NR3C2: variants seen among roughly 807,000 people sequenced by gnomAD.
NR3C2 encodes nuclear receptor subfamily 3 group C member 2.
In NR3C2, 15 loss-of-function variants were observed where a neutral mutation model predicts 86.4. That is an observed-to-expected ratio of 0.17 (90% CI 0.12 to 0.27). The LOEUF (loss-of-function observed/expected upper bound fraction) is 0.27. Ranked by LOEUF, NR3C2 falls within the 10% of genes least tolerant of loss-of-function variation. The pLI is 1.00. For missense variants in NR3C2, 960 were observed against 1,195.6 expected (o/e 0.80, Z 2.91); for synonymous variants, 458 against 450.5 (o/e 1.02, Z -0.21).
chr4:148,370,844 C>T (rs547019554), intron 2 of NR3C2, among the ~76,000 whole-genome samples: 6 of 152,228 alleles, frequency 3.9e-5, no homozygotes, highest in Admixed American at 1.3e-4. Context: ...TCAGTATCTT[C>T]CTTCTCCTCC....
chr4:148,082,826 A>G (rs1443663731), intron 8 of NR3C2, among the ~76,000 whole-genome samples: 1 of 152,256 alleles, frequency 6.6e-6, no homozygotes, highest in Admixed American at 6.5e-5. Flanking sequence ...CTGGCTTGAA[A>G]TTCTTGCTGC....
chr4:148,443,935 C>G (rs911152013), upstream of NR3C2: 2 of 942,526 alleles, frequency 2.1e-6, no homozygotes, highest in African/African-American at 3.5e-5. Flanking sequence ...GCGACAGCGG[C>G]AGCGCCGCGA....
At chr4:148,184,064 T>C (rs1422284766) in intron 4 of NR3C2, among the ~76,000 whole-genome samples, 1 of 152,082 alleles carries the variant, frequency 6.6e-6, no homozygotes, top group African/African-American at 2.4e-5. Flanking sequence ...CAACAAGAAC[T>C]ATCAGGCCCA....
At chr4:148,261,255 T>C (rs918403797) in intron 2 of NR3C2, among the ~76,000 whole-genome samples, 4 of 149,970 alleles carry the variant, frequency 2.7e-5, no homozygotes. Flanking sequence ...TGGTGCACTA[T>C]GGTCAGCGCT....
chr4:148,426,109 G>C (rs890062827), intron 2 of NR3C2, among the ~76,000 whole-genome samples: 1 of 152,026 alleles, frequency 6.6e-6, no homozygotes, highest in South Asian at 2.1e-4. Context: ...ATTTCTTTGC[G>C]CTACCATCTC....
At chr4:148,352,093 G>C (rs1486402104) in intron 2 of NR3C2, among the ~76,000 whole-genome samples, 4 of 152,146 alleles carry the variant, frequency 2.6e-5, no homozygotes, top group African/African-American at 7.2e-5. Flanking sequence ...AGAGAAATCA[G>C]ATCTGTTCCC....
At chr4:148,382,670 T>A (rs1267717068) in intron 2 of NR3C2, among the ~76,000 whole-genome samples, 2 of 152,214 alleles carry the variant, frequency 1.3e-5, no homozygotes, top group Non-Finnish European at 2.9e-5. Flanking sequence ...CTAGTCTAGG[T>A]ATTTTAATTA....
chr4:148,375,660 T>C (rs1050182160), intron 2 of NR3C2, among the ~76,000 whole-genome samples: 5 of 152,112 alleles, frequency 3.3e-5, no homozygotes, highest in South Asian at 2.1e-4. Flanking sequence ...TTAATACGCA[T>C]AGCAAATAAT....
chr4:148,306,220 A>G (rs1254103148), intron 2 of NR3C2, among the ~76,000 whole-genome samples: 1 of 152,240 alleles, frequency 6.6e-6, no homozygotes, highest in Non-Finnish European at 1.5e-5. Context: ...TAAGGAAGCA[A>G]GAGGTAAAAC....
intron 3 of NR3C2, among the ~76,000 whole-genome samples, chr4:148,258,592 A>T (rs920166648): frequency 3.3e-5 from 5 of 152,212 alleles, no homozygotes; most frequent in Non-Finnish European, 5.9e-5. Context: ...GCCAAGTTCA[A>T]TCTGAGGAGA....
chr4:148,152,505 T>C lies in NR3C2; in HGVS notation c.2474A>G (p.Gln825Arg), dbSNP rs748855088. 10 of 1,614,104 alleles carry C rather than the reference T, an allele frequency of 6.2e-6. No homozygotes were observed. The highest frequency in any genetic ancestry group is 6.8e-6 in the Non-Finnish European group (8 of 1,179,970). Residue 825 changes from glutamine (Q) to arginine (R), a missense_variant, in exon 6 of 9, where the codon CAA becomes CGA. By Grantham distance (43) the Gln-to-Arg change is conservative. Around this residue, in one of 4 missense-constraint regions of NR3C2, gnomAD observed 151 missense variants for 296.3 expected, o/e 0.51. Transcript: ENST00000358102. ...SWRSYKHTNS[Q>R]FLYFAPDLVF... Reference sequence around the variant, plus strand: ...TAGGTCTGGTGCAAAATAGAGAAATTGGCTGTTCGTATGTTTGTACGATCT... The same window carrying C: ...TAGGTCTGGTGCAAAATAGAGAAATCGGCTGTTCGTATGTTTGTACGATCT...
intron 3 of NR3C2, among the ~76,000 whole-genome samples, chr4:148,253,973 T>A (rs918459962): frequency 6.6e-6 from 1 of 152,102 alleles, no homozygotes; most frequent in Non-Finnish European, 1.5e-5. Flanking sequence ...GTATTCCTTA[T>A]CTCAGTGAAC....
chr4:148,364,175 G>C (rs1745993283), intron 2 of NR3C2, among the ~76,000 whole-genome samples: 1 of 152,172 alleles, frequency 6.6e-6, no homozygotes, highest in Non-Finnish European at 1.5e-5. Context: ...ATAGTGCTCA[G>C]TATGTTCTTC....
intron 2 of NR3C2, among the ~76,000 whole-genome samples, chr4:148,420,854 T>C (rs1177805581): frequency 6.6e-6 from 1 of 152,192 alleles, no homozygotes; most frequent in Non-Finnish European, 1.5e-5. Flanking sequence ...GCTCCAACCA[T>C]GTAAAATGCC....
At chr4:148,238,869 G>T (rs375064887) in intron 3 of NR3C2, among the ~76,000 whole-genome samples, 127 of 152,308 alleles carry the variant, frequency 8.3e-4, no homozygotes, top group African/African-American at 2.8e-3. Context: ...GGACACACAG[G>T]AGTCAAGGAA....
intron 3 of NR3C2, among the ~76,000 whole-genome samples, chr4:148,229,825 T>C (rs906892157): frequency 6.6e-6 from 1 of 152,234 alleles, no homozygotes. Context: ...GTGGACATTA[T>C]TGTAGCCTAT....
intron 3 of NR3C2, among the ~76,000 whole-genome samples, chr4:148,199,730 G>A (rs1353006698): frequency 2.0e-5 from 3 of 152,156 alleles, no homozygotes; most frequent in Admixed American, 6.5e-5. Flanking sequence ...TCCATTCCAC[G>A]AGGATTTTTA....
chr4:148,274,577 G>A (rs1180696631), intron 2 of NR3C2, among the ~76,000 whole-genome samples: 2 of 152,060 alleles, frequency 1.3e-5, no homozygotes, highest in Admixed American at 1.3e-4. Flanking sequence ...TGTAAGACGT[G>A]CCTTGCTTCC....
At chr4:148,323,561 G>C (rs1743764722) in intron 2 of NR3C2, among the ~76,000 whole-genome samples, 2 of 151,710 alleles carry the variant, frequency 1.3e-5, no homozygotes, top group African/African-American at 4.9e-5. Flanking sequence ...TCCGAGCCAG[G>C]TGCGGGACAT....
Sources: allele counts gnomAD v4.1 joint callset (sites outside exome capture counted in the v4.1 genomes callset), GRCh38; gene constraint gnomAD v4.1.1; regional missense constraint gnomAD v4.1.1; transcripts MANE v1.5; gene names NCBI Gene and HGNC (gene_info 2026-07-23, HGNC 2026-07-21).